Variants in TRAIP observed in about 807,000 individuals in gnomAD.
The protein encoded by TRAIP is E3 ubiquitin-protein ligase TRAIP.
A neutral mutation model predicts 65.0 loss-of-function variants in TRAIP; 37 were observed. The observed-to-expected ratio is 0.57, with a 90% CI of 0.44 to 0.75. TRAIP has a LOEUF of 0.75. Ranked by LOEUF, TRAIP falls within the 30% of genes least tolerant of loss-of-function variation. The probability of loss-of-function intolerance (pLI) is 0.00; values close to 1 mark genes in which losing one functional copy is unlikely to be tolerated. For synonymous variants in TRAIP, 187 were observed against 219.1 expected (o/e 0.85, Z 1.29); for missense variants, 481 against 579.4 (o/e 0.83, Z 1.74).
intron 11 of TRAIP, 42 bp downstream of exon 11, chr3:49,831,873 TC>T: frequency 1.3e-6 from 2 of 1,489,046 alleles, no homozygotes; most frequent in East Asian, 2.5e-5. Flanking sequence ...GTCTTAGCTA[TC>T]CCCCTACCAG....
intron 10 of TRAIP, among the ~76,000 whole-genome samples, chr3:49,832,857 C>T (rs1374362451): frequency 6.6e-6 from 1 of 152,010 alleles, no homozygotes; most frequent in East Asian, 1.9e-4. Context: ...TCCAAAGATG[C>T]CTTCTCTCTT....
At chr3:49,841,757 G>T in intron 7 of TRAIP, 69 bp downstream of exon 7, 2 of 1,233,010 alleles carry the variant, frequency 1.6e-6, no homozygotes, top group African/African-American at 1.5e-5. Flanking sequence ...CAAGAGATGG[G>T]GAGCAATGAC....
chr3:49,853,127 A>G (rs2081947438), intron 1 of TRAIP, among the ~76,000 whole-genome samples: 1 of 152,112 alleles, frequency 6.6e-6, no homozygotes, highest in African/African-American at 2.4e-5. Flanking sequence ...GTCTCAAAAA[A>G]AAAAAAAAGA....
intron 10 of TRAIP, 119 bp from the exon 11 acceptor site, chr3:49,832,187 A>C: frequency 8.4e-7 from 1 of 1,197,288 alleles, no homozygotes; most frequent in Non-Finnish European, 1.1e-6. Context: ...ACTCAAGGCC[A>C]CCCCTCAAGA....
At chr3:49,848,227 T>A in intron 1 of TRAIP, 27 bp from the exon 2 acceptor site, 1 of 1,613,286 alleles carries the variant, frequency 6.2e-7, no homozygotes. Flanking sequence ...AACAATAGAC[T>A]GATGAGCCCT....
At chr3:49,843,676 T>C (rs2081857450) in intron 5 of TRAIP, 125 bp downstream of exon 5, 8 of 1,357,270 alleles carry the variant, frequency 5.9e-6, no homozygotes, top group Non-Finnish European at 8.2e-6. Context: ...TTTGCCTCTA[T>C]TTTACAACTC....
chr3:49,838,139 A>T (rs1471735918), intron 10 of TRAIP, among the ~76,000 whole-genome samples: 1 of 152,184 alleles, frequency 6.6e-6, no homozygotes, highest in Admixed American at 6.5e-5. Context: ...AAGCACTGAG[A>T]TTACAGGTAT....
At chr3:49,849,789 T>C (rs562459460) in intron 1 of TRAIP, among the ~76,000 whole-genome samples, 43 of 151,324 alleles carry the variant, frequency 2.8e-4, no homozygotes, top group Admixed American at 1.9e-3. Flanking sequence ...TGGAAAATGA[T>C]ACCATCATCC....
At chr3:49,832,197 A>C in intron 10 of TRAIP, 129 bp from the exon 11 acceptor site, 1 of 1,134,448 alleles carries the variant, frequency 8.8e-7, no homozygotes, top group Non-Finnish European at 1.2e-6. Flanking sequence ...ACCCCTCAAG[A>C]GAGCCCTACT....
intron 8 of TRAIP, 122 bp downstream of exon 8, chr3:49,840,863 C>A: frequency 1.1e-6 from 1 of 884,882 alleles, no homozygotes; most frequent in Non-Finnish European, 1.8e-6. Context: ...TTCTGTAAGT[C>A]CTCCAGCTGC....
At chr3:49,833,629 G>A (rs898813564) in intron 10 of TRAIP, among the ~76,000 whole-genome samples, 9 of 151,932 alleles carry the variant, frequency 5.9e-5, no homozygotes, top group Non-Finnish European at 1.0e-4. Context: ...ACAGGCGCCC[G>A]CCACCACGCC....
intron 10 of TRAIP, among the ~76,000 whole-genome samples, chr3:49,836,677 T>C (rs1026762086): frequency 2.6e-5 from 4 of 151,794 alleles, no homozygotes; most frequent in Admixed American, 1.3e-4. Context: ...AAAAAATTAG[T>C]TGGGCGTGGT....
chr3:49,840,388 A>T lies in TRAIP; in HGVS notation c.706-15T>A. ...ACTGTCTGCAACTATAAGAAAGTGT[A>T]GGGAATGAAAGACAAGCCAAGTGGT... On this transcript the variant is annotated splice_polypyrimidine_tract_variant and intron_variant, in intron 8 of 14. Transcript: ENST00000331456. The T allele has an allele frequency of 6.2e-7, 1 of 1,611,412 alleles. No homozygotes were observed. The highest frequency in any genetic ancestry group is 8.5e-7 in the Non-Finnish European group (1 of 1,177,524).
chr3:49,853,739 C>G (rs961429589), intron 1 of TRAIP, among the ~76,000 whole-genome samples: 4 of 151,764 alleles, frequency 2.6e-5, no homozygotes, highest in Non-Finnish European at 5.9e-5. Context: ...CCCAGCTACT[C>G]GGGAGGCTGA....
chr3:49,840,405 C>A, intron 8 of TRAIP, 32 bp from the exon 9 acceptor site: 1 of 1,592,434 alleles, frequency 6.3e-7, no homozygotes, highest in Non-Finnish European at 8.6e-7. Context: ...GAAAGACAAG[C>A]CAAGTGGTAG....
chr3:49,847,617 G>C lies in TRAIP; in HGVS notation c.157-9C>G, dbSNP rs769805601. 1.9e-6 allele frequency: 3 copies of C among 1,601,498 alleles called. No individual in the cohort carries two copies. In the South Asian group the frequency reaches 3.3e-5, roughly 18 times the overall value. On this transcript the variant is annotated splice_polypyrimidine_tract_variant and intron_variant, in intron 2 of 14. Transcript: ENST00000331456. ...ATGGTTCTTTTGCCAACCTGGATGG[G>C]AGAACAAGGTAAGAGTATGATTGTG...
chr3:49,852,627 C>A (rs989198204), intron 1 of TRAIP, among the ~76,000 whole-genome samples: 8 of 151,508 alleles, frequency 5.3e-5, no homozygotes, highest in African/African-American at 1.9e-4. Flanking sequence ...TGGTGGCAGG[C>A]GCCTGTAGTC....
At chr3:49,853,803 C>T (rs957319308) in intron 1 of TRAIP, among the ~76,000 whole-genome samples, 7 of 151,672 alleles carry the variant, frequency 4.6e-5, no homozygotes, top group Non-Finnish European at 5.9e-5. Context: ...GCCAAGATTG[C>T]GCCACTGCAC....
intron 11 of TRAIP, among the ~76,000 whole-genome samples, chr3:49,831,581 C>T (rs1384558255): frequency 1.3e-5 from 2 of 152,230 alleles, no homozygotes; most frequent in African/African-American, 4.8e-5. Context: ...CAGAGTCCCT[C>T]GCTCAGGACT....
Sources: allele counts gnomAD v4.1 joint callset (sites outside exome capture counted in the v4.1 genomes callset), GRCh38; gene constraint gnomAD v4.1.1; transcripts MANE v1.5; gene names NCBI Gene and HGNC (gene_info 2026-07-23, HGNC 2026-07-21).